Variants in DOCK1 observed in about 807,000 individuals in gnomAD.
The protein encoded by DOCK1 is dedicator of cytokinesis 1, also known as dedicator of cytokinesis protein 1.
DOCK1 carries 138 observed loss-of-function variants against 262.7 expected under a neutral mutation model. The observed-to-expected ratio is 0.53, with a 90% confidence interval of 0.46 to 0.61. DOCK1 has a LOEUF of 0.61. Among genes scored for constraint, DOCK1 ranks in the 20% least tolerant of loss-of-function variants. The pLI is 0.00. For missense variants in DOCK1, 1,908 were observed against 2,370.7 expected (o/e 0.80, Z 4.05); for synonymous variants, 866 against 867.4 (o/e 1.00, Z 0.03).
At chr10:127,393,174 G>A (rs746973652) in intron 38 of DOCK1, among the ~76,000 whole-genome samples, 3 of 152,118 alleles carry the variant, frequency 2.0e-5, no homozygotes, top group Non-Finnish European at 4.4e-5. Flanking sequence ...GGGAAACAAC[G>A]CAATTCCAGT....
intron 27 of DOCK1, among the ~76,000 whole-genome samples, chr10:127,238,526 G>A (rs2059153021): frequency 6.6e-6 from 1 of 152,090 alleles, no homozygotes; most frequent in Admixed American, 6.6e-5. Context: ...TCTTCCGTAG[G>A]TCACAGCTTT....
chr10:127,285,509 G>C (rs1430861502), intron 29 of DOCK1, among the ~76,000 whole-genome samples: 1 of 152,176 alleles, frequency 6.6e-6, no homozygotes, highest in East Asian at 1.9e-4. Context: ...TCAGGCTTTG[G>C]CAGTGGGGCT....
chr10:126,966,507 G>A (rs1055482642), intron 1 of DOCK1, among the ~76,000 whole-genome samples: 1 of 152,082 alleles, frequency 6.6e-6, no homozygotes, highest in Non-Finnish European at 1.5e-5. Flanking sequence ...TATTCCCACC[G>A]AGTGTCTAAC....
intron 8 of DOCK1, 143 bp from the exon 9 acceptor site, chr10:126,999,211 T>A: frequency 1.6e-6 from 1 of 621,274 alleles, no homozygotes; most frequent in Non-Finnish European, 2.8e-6. Context: ...TGAGTAGCTG[T>A]ATGTGATACT....
At chr10:127,159,029 G>A (rs2053350038) in intron 27 of DOCK1, among the ~76,000 whole-genome samples, 1 of 152,070 alleles carries the variant, frequency 6.6e-6, no homozygotes, top group Non-Finnish European at 1.5e-5. Flanking sequence ...CTTGGTCAAG[G>A]TAGGCTTGCC....
intron 27 of DOCK1, among the ~76,000 whole-genome samples, chr10:127,130,130 C>T (rs1345151981): frequency 7.0e-6 from 1 of 142,060 alleles, no homozygotes; most frequent in Non-Finnish European, 1.5e-5. Context: ...GTCGCCCAGG[C>T]TGGAGTGCAG....
intron 29 of DOCK1, among the ~76,000 whole-genome samples, chr10:127,324,252 C>G (rs1443158208): frequency 6.6e-6 from 1 of 152,206 alleles, no homozygotes; most frequent in East Asian, 1.9e-4. Flanking sequence ...AGTTGACAAT[C>G]AGCACCAGCC....
chr10:127,383,938 A>AAGG (rs1325997334), intron 37 of DOCK1, among the ~76,000 whole-genome samples: 2 of 151,406 alleles, frequency 1.3e-5, no homozygotes, highest in Admixed American at 6.6e-5. Flanking sequence ...CTTCCTGTAG[A>AAGG]AGGGTCTTGC....
In DOCK1 at chr10:127,403,020, C is replaced by T. The variant is rs370182300; in HGVS notation, c.3928-35C>T. 5.3e-5 allele frequency: 83 copies of T among 1,570,416 alleles called. No homozygotes were observed. In the African/African-American group the frequency reaches 8.7e-4, roughly 16 times the overall value. On this transcript the variant is annotated intron_variant, in intron 38 of 51. Transcript: ENST00000623213. The stretch of plus-strand genomic sequence containing the variant: ...TTGACTCTTTGCACAATTCAGGCCT[C>T]GGCTTCTCTTTCTTTTCTTTATTTT...
chr10:127,424,072 C>G (rs561415017), intron 46 of DOCK1, among the ~76,000 whole-genome samples: 2 of 152,202 alleles, frequency 1.3e-5, no homozygotes, highest in Admixed American at 6.5e-5. Context: ...TTCAGACCCT[C>G]GGTCTATGTT....
rs972623556 is a variant in DOCK1 at position 127,410,852 on chromosome 10, G to A, written c.4356G>A (p.Val1452=). The part of the protein sequence containing the change: ...VSEQIVSFYR[V]NEVQRFEYSR... The stretch of plus-strand genomic sequence containing the variant: ...TGTCTCTGTACAGTTTTTACAGGGT[G>A]AACGAGGTCCAGCGATTTGAATATT... Residue 1452 remains valine, a synonymous_variant, in exon 43 of 52, where the codon GTG becomes GTA. Coordinates refer to ENST00000623213, the MANE Select transcript of DOCK1 (RefSeq NM_001290223.2). The A allele has an allele frequency of 3.0e-5, 48 of 1,613,754 alleles. No individual in the cohort carries two copies. Among genetic ancestry groups the A allele is most frequent in the Non-Finnish European group, 4.0e-5 (47 of 1,179,878 alleles).
intron 35 of DOCK1, among the ~76,000 whole-genome samples, chr10:127,377,188 CT>C (rs1421534873): frequency 6.6e-6 from 1 of 152,116 alleles, no homozygotes; most frequent in Admixed American, 6.5e-5. Flanking sequence ...GAAAATAAAT[CT>C]GTGGAATAAA....
Position 127,409,382 on chromosome 10 carries a change from A to T in DOCK1, c.4334A>T (p.Gln1445Leu). 1 of 1,614,022 alleles carries T rather than the reference A, an allele frequency of 6.2e-7. No homozygotes were observed. The highest frequency in any genetic ancestry group is 8.5e-7 in the Non-Finnish European group (1 of 1,179,900). Residue 1445 changes from glutamine (Q) to leucine (L), a missense_variant, in exon 42 of 52, where the codon CAG becomes CTG. By Grantham distance (113) the Gln-to-Leu change is moderately radical. This residue lies in a region of DOCK1 where 267 missense variants were observed against 366.3 expected (regional missense o/e 0.73). Transcript: ENST00000623213. ...AAGTTTCACAGGCCAGTGTCAGAGC[A>T]GATTGTAAGGTAATAATCCCATTTT... is the stretch of plus-strand genomic sequence containing the variant. ...PPKFHRPVSE[Q>L]IVSFYRVNEV...
chr10:127,261,685 G>A (rs1281642266), intron 29 of DOCK1, among the ~76,000 whole-genome samples: 2 of 139,924 alleles, frequency 1.4e-5, no homozygotes, highest in East Asian at 4.5e-4. Flanking sequence ...GCATGTGTGT[G>A]CATGTGGGTG....
chr10:127,402,036 C>T (rs74158678), intron 38 of DOCK1, among the ~76,000 whole-genome samples: 8,747 of 152,200 alleles, frequency 0.057, 811 homozygotes, highest in African/African-American at 0.2. Flanking sequence ...AAGTTGAATG[C>T]AGCATATAGG....
Position 127,419,310 on chromosome 10 carries a change from G to A in DOCK1, c.4693-356G>A, listed in dbSNP as rs544662656. ...AAGAAGTTTGTTGCCTTCAGGTGTA[G>A]GTCAGGCCTGGGCAGGTGCAGGGGC... is the stretch of plus-strand genomic sequence containing the variant. On this transcript the variant is annotated intron_variant, in intron 45 of 51. Coordinates refer to ENST00000623213, the MANE Select transcript of DOCK1 (RefSeq NM_001290223.2). Among the ~76,000 whole-genome samples the A allele has an allele frequency of 2.3e-4, 35 of 152,334 alleles. No homozygotes were observed. The Middle Eastern group carries it at 0.014, about 59-fold the overall frequency.
At chr10:127,430,385 AG>A (rs1334590916) in intron 47 of DOCK1, among the ~76,000 whole-genome samples, 8 of 152,204 alleles carry the variant, frequency 5.3e-5, no homozygotes, top group Non-Finnish European at 1.2e-4. Flanking sequence ...CTGCCTCAGC[AG>A]GAACATTTAG....
intron 15 of DOCK1, chr10:127,025,410 A>ATAT (rs2042762942): frequency 1.3e-5 from 2 of 152,252 alleles, no homozygotes; most frequent in African/African-American, 4.8e-5. Flanking sequence ...TGTGGAAGGA[A>ATAT]TATAGACCCT....
intron 27 of DOCK1, among the ~76,000 whole-genome samples, chr10:127,141,283 A>T (rs2051215906): frequency 6.6e-6 from 1 of 152,210 alleles, no homozygotes; most frequent in African/African-American, 2.4e-5. Context: ...TCTCGAATGC[A>T]GGCACCATAA....
Sources: gnomAD v4.1 joint callset for allele counts (sites outside exome capture counted in the v4.1 genomes callset) on GRCh38, gnomAD v4.1.1 for gene constraint, gnomAD v4.1.1 regional missense constraint, MANE v1.5 for transcripts, NCBI Gene and HGNC (gene_info 2026-07-23, HGNC 2026-07-21) for gene names.